KMT2D: variants seen among roughly 807,000 people sequenced by gnomAD.
The protein encoded by KMT2D is histone-lysine N-methyltransferase 2D.
A neutral mutation model predicts 512.7 loss-of-function variants in KMT2D; 55 were observed. The observed-to-expected ratio is 0.11, with a 90% CI of 0.09 to 0.13. The LOEUF is 0.13. KMT2D is among the 10% of genes least tolerant of loss of function. The pLI is 1.00. For missense variants in KMT2D, 6,061 were observed against 7,127.9 expected (o/e 0.85, Z 5.39); for synonymous variants, 2,995 against 2,904.0 (o/e 1.03, Z -1.01).
rs1372237754 is a variant in KMT2D, at chr12:49,030,765, G to A, written c.13675C>T (p.Leu4559=). 1.5e-5 allele frequency: 24 copies of A among 1,613,432 alleles called. No homozygotes were observed. Among genetic ancestry groups the A allele is most frequent in the Non-Finnish European group, 2.0e-5 (24 of 1,179,824 alleles). Residue 4559 remains leucine (L), a synonymous_variant, in exon 42 of 55, where the codon CTG becomes TTG. Coordinates refer to ENST00000301067, the MANE Select transcript of KMT2D (RefSeq NM_003482.4). ...EALLKQLKQE[L]SLLPLTEPAI... The stretch of plus-strand genomic sequence containing the variant: ...GGCTCCGTTAGGGGCAGCAGGGACA[G>A]CTCCTACAAGGGGCAAGATGACAAA...
chr12:49,046,548 A>G lies in KMT2D; in HGVS notation c.4418+61T>C, dbSNP rs921337870. The G allele has an allele frequency of 5.1e-6, 8 of 1,577,946 alleles. No homozygotes were observed. In the African/African-American group the frequency reaches 8.1e-5, roughly 16 times the overall value. On this transcript the variant is annotated intron_variant, in intron 16 of 54. Coordinates refer to ENST00000301067, the MANE Select transcript of KMT2D (RefSeq NM_003482.4). This position sits in a 1 kb window ranked among gnomAD's most constrained non-coding sequence, Gnocchi z 4.2. ...ACCCAGCCTCTGTCACATACTCAACATCATATCCACTTTAACATCTCAAGG... is the reference window on the plus strand; with the variant it reads ...ACCCAGCCTCTGTCACATACTCAACGTCATATCCACTTTAACATCTCAAGG...
intron 8 of KMT2D, 57 bp downstream of exon 8, chr12:49,053,150 G>C (rs1278494018): frequency 6.2e-7 from 1 of 1,610,924 alleles, no homozygotes; most frequent in Non-Finnish European, 8.5e-7. Flanking sequence ...TGTCAAGACA[G>C]AGAATGCTGT....
Position 49,031,332 on chromosome 12 carries a change from G to C in KMT2D, c.13373C>G (p.Ala4458Gly). 1.2e-6 allele frequency: 2 copies of C among 1,613,608 alleles called. No individual in the cohort carries two copies. The highest frequency in any genetic ancestry group is 1.7e-6 in the Non-Finnish European group (2 of 1,179,890). Residue 4458 changes from alanine (A) to glycine (G), a missense_variant, in exon 40 of 55, where the codon GCT becomes GGT. Transcript: ENST00000301067. ...HLLLAGPRSE[A>G]GHLLLQKLLR... The stretch of plus-strand genomic sequence containing the variant: ...TAGCTTCTGCAAGAGCAGATGCCCA[G>C]CTTCTGAGCGAGGGCCTGCCAGCAG...
At chr12:49,057,784 G>A (rs886952827) in intron 1 of KMT2D, among the ~76,000 whole-genome samples, 1 of 152,048 alleles carries the variant, frequency 6.6e-6, no homozygotes, top group Non-Finnish European at 1.5e-5. Context: ...TACACACCAA[G>A]GATTTTTTCC....
Position 49,033,700 on chromosome 12 carries a change from C to A in KMT2D, c.11005G>T (p.Gly3669Cys). ...PGGMALPGQP[G>C]GPFLNTALAQ... The stretch of plus-strand genomic sequence containing the variant: ...AGAGCTGTATTAAGGAAGGGGCCAC[C>A]AGGCTGTCCAGGTAGTGCCATACCC... Residue 3669 changes from glycine to cysteine, a missense_variant, in exon 40 of 55, where the codon GGT (glycine) becomes TGT (cysteine). Physicochemically the swap from Gly to Cys is radical, Grantham distance 159. Transcript: ENST00000301067. The A allele has an allele frequency of 6.2e-7, 1 of 1,613,678 alleles. No individual in the cohort carries two copies. Among genetic ancestry groups the A allele is most frequent in the Non-Finnish European group, 8.5e-7 (1 of 1,179,876 alleles).
chr12:49,037,941 G>C lies in KMT2D; in HGVS notation c.9415C>G (p.Pro3139Ala), dbSNP rs551794772. 1 of 1,604,008 alleles carries C rather than the reference G, an allele frequency of 6.2e-7. No homozygotes were observed. Among genetic ancestry groups the C allele is most frequent in the Admixed American group, 1.7e-5 (1 of 58,508 alleles). Residue 3139 changes from proline (P) to alanine (A), a missense_variant, in exon 35 of 55, where the codon CCC becomes GCC. Pro to Ala is a conservative substitution (Grantham distance 27). This residue lies in a region of KMT2D where 533 missense variants were observed against 539.6 expected (regional missense o/e 0.99). Transcript: ENST00000301067. ...PSPCQFTIAT[P>A]KVEPAPAANS... ...GCAGCAGGTGCGGGCTCTACCTTGG[G>C]GGTAGCAATGGTGAATTGGCAAGGA... is the stretch of plus-strand genomic sequence containing the variant.
At position 49,042,009 on chromosome 12, in the gene KMT2D, G is replaced by T; in HGVS notation, c.6110-19C>A. The stretch of plus-strand genomic sequence containing the variant: ...GACCAGTCTGGAGGGCAGAGAGAGT[G>T]AGTCAGAGAAGACTTGGCAGGCGAC... On this transcript the variant is annotated intron_variant, in intron 29 of 54. Coordinates refer to ENST00000301067, the MANE Select transcript of KMT2D (RefSeq NM_003482.4). The surrounding 1 kb of genome is among the most constrained non-coding windows in gnomAD (Gnocchi z 4.4). The T allele has an allele frequency of 6.2e-7, 1 of 1,612,348 alleles. No individual in the cohort carries two copies. Among genetic ancestry groups the T allele is most frequent in the Non-Finnish European group, 8.5e-7 (1 of 1,179,116 alleles).
rs1565801235 is a variant in KMT2D at position 49,043,347 on chromosome 12, C to T, written c.5533+16G>A. 6.2e-7 allele frequency: 1 copy of T among 1,613,392 alleles called. No individual in the cohort carries two copies. The highest frequency in any genetic ancestry group is 1.7e-5 in the Admixed American group (1 of 60,030). On this transcript the variant is annotated intron_variant, in intron 25 of 54. Transcript: ENST00000301067. ...GCAAGGCCAAGACAGGACACAGTAA[C>T]CCCGGCAGCCCTCACCTGGTGTATC...
chr12:49,020,120 A>G lies in KMT2D; in HGVS notation c.*1660T>C, dbSNP rs1942235961. On this transcript the variant is annotated 3_prime_UTR_variant, in exon 55 of 55. Transcript: ENST00000301067. ...CAGGAAGAGGTTCAACTGCAGCACA[A>G]GCTTGGGCAGAAAGGGGAAGGAAAG... is the stretch of plus-strand genomic sequence containing the variant. 2 of 188,538 alleles carry G rather than the reference A, an allele frequency of 1.1e-5. No individual in the cohort carries two copies. The highest frequency in any genetic ancestry group is 2.2e-5 in the Non-Finnish European group (2 of 89,314). 11.7% of individuals were successfully genotyped at this position (188,538 alleles called of 1,614,324 possible).
intron 42 of KMT2D, 44 bp downstream of exon 42, chr12:49,030,557 C>T (rs1942848839): frequency 6.6e-7 from 1 of 1,524,950 alleles, no homozygotes; most frequent in Non-Finnish European, 8.8e-7. Flanking sequence ...CCTCACCTTC[C>T]CAAGAACTTC....
Position 49,041,925 on chromosome 12 carries a change from G to A in KMT2D, c.6175C>T (p.Pro2059Ser), listed in dbSNP as rs1384382493. The A allele has an allele frequency of 4.4e-6, 7 of 1,606,420 alleles. No individual in the cohort carries two copies. Among genetic ancestry groups the A allele is most frequent in the South Asian group, 1.1e-5 (1 of 89,590 alleles). ...WRKVPAADKA[P>S]YLQKAKDNRA... ...GCTCCTTTCTGCCTCACCAGGTAGG[G>A]GGCTTTGTCAGCTGCTGGAACCTTT... Residue 2059 changes from proline to serine, a missense_variant, in exon 30 of 55, where the codon CCC becomes TCC. This residue lies in a region of KMT2D where 640 missense variants were observed against 814.3 expected (regional missense o/e 0.79). Coordinates refer to ENST00000301067, the MANE Select transcript of KMT2D (RefSeq NM_003482.4). This position sits in a 1 kb window ranked among gnomAD's most constrained non-coding sequence, Gnocchi z 5.4.
chr12:49,030,853 C>G (rs2120409571), intron 41 of KMT2D, 40 bp downstream of exon 41: 1 of 1,613,040 alleles, frequency 6.2e-7, no homozygotes. Context: ...TGCCCCCTAT[C>G]CTGGGATGGG....
Position 49,055,050 on chromosome 12 carries a change from G to T in KMT2D, c.50-24C>A, listed in dbSNP as rs1343807630. 8.1e-6 allele frequency: 13 copies of T among 1,612,450 alleles called. No homozygotes were observed. In the South Asian group the frequency reaches 1.4e-4, roughly 18 times the overall value. On this transcript the variant is annotated intron_variant, in intron 2 of 54. Coordinates refer to ENST00000301067, the MANE Select transcript of KMT2D (RefSeq NM_003482.4). ...AGCTGAATAAACAGACAAACAGCAT[G>T]TGTCAGCCATCATCCCTATTTAACA...
rs2120394976 is a variant in KMT2D, at chr12:49,029,242, G to A, written c.14076-6C>T. 1.2e-6 allele frequency: 2 copies of A among 1,609,070 alleles called. No homozygotes were observed. Among genetic ancestry groups the A allele is most frequent in the Non-Finnish European group, 1.7e-6 (2 of 1,175,792 alleles). On this transcript the variant is annotated splice_polypyrimidine_tract_variant and splice_region_variant and intron_variant, in intron 44 of 54. Coordinates refer to ENST00000301067, the MANE Select transcript of KMT2D (RefSeq NM_003482.4). Reference sequence around the variant, plus strand: ...TATCCTCATCACTCTCCATCCTGGGGACCAAAAGTAGACATTTGTTGCTAC... The same window carrying A: ...TATCCTCATCACTCTCCATCCTGGGAACCAAAAGTAGACATTTGTTGCTAC...
At chr12:49,043,002 G>A in intron 26 of KMT2D, 74 bp downstream of exon 26, 1 of 1,559,126 alleles carries the variant, frequency 6.4e-7, no homozygotes, top group Non-Finnish European at 8.8e-7. Context: ...ACAGATCACA[G>A]TCCCAAAGAT....
In KMT2D at chr12:49,045,839, A is replaced by G. The variant is rs1943759144; in HGVS notation, c.4741+81T>C. On this transcript the variant is annotated intron_variant, in intron 19 of 54. Transcript: ENST00000301067. The stretch of plus-strand genomic sequence containing the variant: ...AGTTTCCTCCTCTTAAAATAAGGAG[A>G]TGAAGCTAGGGGGTTGGAGCTAGAC... The G allele has an allele frequency of 1.2e-5, 14 of 1,180,230 alleles. No homozygotes were observed. The South Asian group carries it at 1.8e-4, about 15-fold the overall frequency. 73.1% of individuals were successfully genotyped at this position (1,180,230 alleles called of 1,614,324 possible). A position where few individuals can be genotyped will look rare whatever the true frequency, so the allele number is the denominator to read the frequency against.
intron 2 of KMT2D, 75 bp downstream of exon 2, chr12:49,055,201 T>A (rs997864285): frequency 1.3e-6 from 2 of 1,568,876 alleles, no homozygotes; most frequent in Non-Finnish European, 8.8e-7. Context: ...ACTTAGCTCA[T>A]GTCCTTGTGC....
rs760364650 is a variant in KMT2D at position 49,053,043 on chromosome 12, C to T, written c.984G>A (p.Ala328=). 3.5e-5 allele frequency: 56 copies of T among 1,613,912 alleles called. No homozygotes were observed. The Admixed American group carries it at 3.5e-4, about 10-fold the overall frequency. The change falls in exon 9 of 55, where the codon GCG becomes GCA. Residue 328 remains alanine (A), a synonymous_variant. Transcript: ENST00000301067. ...KACRVCRACG[A]GSAELNPNSE... ...AGTTGGGATTCAGTTCTGCTGAGCCCGCCCCACAGGCCCGGCACACCCGGC... is the reference window on the plus strand; with the variant it reads ...AGTTGGGATTCAGTTCTGCTGAGCCTGCCCCACAGGCCCGGCACACCCGGC...
chr12:49,034,734 G>C (rs1189451273), intron 36 of KMT2D, 68 bp from the exon 37 acceptor site: 1 of 1,606,778 alleles, frequency 6.2e-7, no homozygotes, highest in Non-Finnish European at 8.5e-7. Flanking sequence ...AGAGACGTGG[G>C]ACAAGTAGGG....
Sources: allele counts gnomAD v4.1 joint callset (sites outside exome capture counted in the v4.1 genomes callset), GRCh38; gene constraint gnomAD v4.1.1; regional missense constraint gnomAD v4.1.1; non-coding constraint Gnocchi (gnomAD v3.1); transcripts MANE v1.5; gene names NCBI Gene and HGNC (gene_info 2026-07-23, HGNC 2026-07-21).